The following OSBPL8 variants were observed in gnomAD, a reference collection of about 807,000 sequenced individuals.
OSBPL8 encodes oxysterol-binding protein-related protein 8.
A neutral mutation model predicts 125.5 loss-of-function variants in OSBPL8; 59 were observed. That is an observed-to-expected ratio of 0.47 (90% CI 0.38 to 0.58). The LOEUF (loss-of-function observed/expected upper bound fraction) is 0.58, where lower values mean the gene tolerates loss of function less well. Among genes scored for constraint, OSBPL8 ranks in the 20% least tolerant of loss-of-function variants. The pLI is 0.00. For synonymous variants in OSBPL8, 330 were observed against 338.9 expected, an observed-to-expected ratio of 0.97 and a Z score of 0.29; for missense variants, 758 against 1,047.8, an observed-to-expected ratio of 0.72 and a Z score of 3.82.
intron 21 of OSBPL8, 48 bp downstream of exon 21, chr12:76,369,166 G>C (rs1017827912): frequency 1.9e-6 from 3 of 1,573,388 alleles, no homozygotes; most frequent in Non-Finnish European, 2.6e-6. Context: ...AGATACTAAA[G>C]ATTTAACAGA....
At chr12:76,511,922 C>G (rs1037312545) in intron 1 of OSBPL8, among the ~76,000 whole-genome samples, 1 of 152,138 alleles carries the variant, frequency 6.6e-6, no homozygotes, top group African/African-American at 2.4e-5. Context: ...GGTCCAGCTC[C>G]AATCTTCTGC....
intron 17 of OSBPL8, among the ~76,000 whole-genome samples, chr12:76,374,361 C>T (rs1238816328): frequency 6.6e-6 from 1 of 152,142 alleles, no homozygotes; most frequent in African/African-American, 2.4e-5. Context: ...CCTTGCCACT[C>T]TCCCAATGAG....
At position 76,378,515 on chromosome 12, in the gene OSBPL8, G is replaced by A. The variant is rs1302841526; in HGVS notation, c.1666C>T (p.Arg556Trp). 3 of 1,605,832 alleles carry A rather than the reference G, an allele frequency of 1.9e-6. No individual in the cohort carries two copies. The highest frequency in any genetic ancestry group is 2.6e-6 in the Non-Finnish European group (3 of 1,173,852). ...TCACCTCTATTCAAGAAAGTTAACC[G>A]TGCTTCTCCCTCTAATATTGCAGAT... ...SLSAILEGEARLTFLNRGEDY... is the reference protein window; with the variant it reads ...SLSAILEGEAWLTFLNRGEDY... The change falls in exon 16 of 24, where the codon CGG (arginine) becomes TGG (tryptophan). Residue 556 changes from arginine (R) to tryptophan (W), a missense_variant. Around this residue, in one of 3 missense-constraint regions of OSBPL8, gnomAD observed 572 missense variants for 762.0 expected, o/e 0.75. Transcript: ENST00000261183.
intron 16 of OSBPL8, 39 bp from the exon 17 acceptor site, chr12:76,375,409 T>C (rs746294896): frequency 2.2e-6 from 3 of 1,372,874 alleles, no homozygotes; most frequent in Non-Finnish European, 3.1e-6. Flanking sequence ...GAAAAGAGTA[T>C]AGTATAGTAT....
chr12:76,387,580 T>C (rs771221396), intron 12 of OSBPL8, among the ~76,000 whole-genome samples: 4 of 152,186 alleles, frequency 2.6e-5, no homozygotes, highest in Non-Finnish European at 5.9e-5. Context: ...TACTGAGAAG[T>C]TGATTTTGTT....
At chr12:76,436,538 T>A (rs1871472066) in intron 4 of OSBPL8, among the ~76,000 whole-genome samples, 1 of 151,560 alleles carries the variant, frequency 6.6e-6, no homozygotes, top group African/African-American at 2.4e-5. Flanking sequence ...AACAAACCTG[T>A]AACTACTCAC....
rs1299755010 is a variant in OSBPL8, at chr12:76,388,933, C to T, written c.1352+712G>A. 5.3e-5 allele frequency among the ~76,000 whole-genome samples: 8 copies of T among 151,956 alleles called. 1 individual carries two copies. The South Asian group carries it at 1.5e-3, about 28-fold the overall frequency. ...TTGATAAAGATTCTAAAAATTAGGT[C>T]GCAGGGCCAGATATCAGTGGCACAG... On this transcript the variant is annotated intron_variant, in intron 12 of 23. Transcript: ENST00000261183.
chr12:76,479,857 A>T (rs1039963231), intron 2 of OSBPL8, among the ~76,000 whole-genome samples: 10 of 152,260 alleles, frequency 6.6e-5, no homozygotes, highest in Middle Eastern at 3.4e-3. Flanking sequence ...AGTCCAACAC[A>T]ACAACCTACT....
At chr12:76,419,469 A>G (rs1025674455) in intron 4 of OSBPL8, among the ~76,000 whole-genome samples, 2 of 152,196 alleles carry the variant, frequency 1.3e-5, no homozygotes, top group African/African-American at 4.8e-5. Context: ...ACCTGCGAAT[A>G]AGCTATGGGG....
intron 2 of OSBPL8, among the ~76,000 whole-genome samples, chr12:76,466,071 T>C (rs1438263927): frequency 6.6e-6 from 1 of 152,046 alleles, no homozygotes; most frequent in African/African-American, 2.4e-5. Context: ...CTTTTAAAAG[T>C]AGGTTATAAA....
In OSBPL8 at chr12:76,438,603, G is replaced by A. The variant is rs376935630; in HGVS notation, c.217+12248C>T. Reference sequence around the variant, plus strand: ...TTGAGATGAAGTGTAAATAGTCCACGTCTTTTTCTCCTTCTAGATTCTAAC... The same window carrying A: ...TTGAGATGAAGTGTAAATAGTCCACATCTTTTTCTCCTTCTAGATTCTAAC... On this transcript the variant is annotated intron_variant, in intron 4 of 23. Coordinates refer to ENST00000261183, the MANE Select transcript of OSBPL8 (RefSeq NM_020841.5). Among the ~76,000 whole-genome samples, 61 of 152,224 alleles carry A rather than the reference G, an allele frequency of 4.0e-4. No homozygotes were observed. The East Asian group carries it at 5.0e-3, about 13-fold the overall frequency.
At chr12:76,465,559 C>CA (rs939883727) in intron 2 of OSBPL8, among the ~76,000 whole-genome samples, 1 of 151,062 alleles carries the variant, frequency 6.6e-6, no homozygotes, top group Non-Finnish European at 1.5e-5. Context: ...GACTCCGTCT[C>CA]AAAAAAATAA....
Position 76,487,609 on chromosome 12 carries a change from T to C in OSBPL8, c.-58A>G. 1 of 1,421,290 alleles carries C rather than the reference T, an allele frequency of 7.0e-7. No individual in the cohort carries two copies. Among genetic ancestry groups the C allele is most frequent in the Non-Finnish European group, 9.6e-7 (1 of 1,044,456 alleles). The allele number at this position is 1,421,290 out of a possible 1,614,324, so 88.0% of individuals were successfully genotyped here. On this transcript the variant is annotated 5_prime_UTR_variant, in exon 2 of 24. Coordinates refer to ENST00000261183, the MANE Select transcript of OSBPL8 (RefSeq NM_020841.5). ...CATTAATGTGCAGCCATTCTGTAAA[T>C]CTGCAAATCCTAAAATAAGAAAATG...
At chr12:76,536,548 A>G (rs868235937) in intron 1 of OSBPL8, among the ~76,000 whole-genome samples, 4 of 152,192 alleles carry the variant, frequency 2.6e-5, no homozygotes, top group Non-Finnish European at 5.9e-5. Context: ...ATATTAGTTG[A>G]ATTTGTATCT....
chr12:76,505,756 T>C (rs1461229403), intron 1 of OSBPL8, among the ~76,000 whole-genome samples: 1 of 151,926 alleles, frequency 6.6e-6, no homozygotes, highest in African/African-American at 2.4e-5. Flanking sequence ...ATCTAAAGAA[T>C]AGCAAAGAGA....
chr12:76,514,604 T>C (rs1023096944), intron 1 of OSBPL8, among the ~76,000 whole-genome samples: 10 of 152,220 alleles, frequency 6.6e-5, no homozygotes, highest in Non-Finnish European at 1.5e-5. Flanking sequence ...CATTTCAATC[T>C]TGGAAAATCT....
intron 9 of OSBPL8, among the ~76,000 whole-genome samples, chr12:76,393,810 G>T (rs7959722): frequency 0.61 from 91,747 of 150,948 alleles, 28,437 homozygotes; most frequent in East Asian, 0.9. Context: ...AATCATGAGG[G>T]CAAGAGTGTG....
chr12:76,361,583 T>C (rs1952208517), intron 21 of OSBPL8, among the ~76,000 whole-genome samples: 1 of 152,262 alleles, frequency 6.6e-6, no homozygotes, highest in East Asian at 1.9e-4. Flanking sequence ...ACGCTGCTGA[T>C]AAAGACATAC....
intron 14 of OSBPL8, among the ~76,000 whole-genome samples, chr12:76,385,393 G>GA (rs1953267526): frequency 6.6e-6 from 1 of 152,050 alleles, no homozygotes; most frequent in South Asian, 2.1e-4. Flanking sequence ...TCAAATTAAT[G>GA]AAAGTTTAAA....
Sources: allele counts gnomAD v4.1 joint callset (sites outside exome capture counted in the v4.1 genomes callset), GRCh38; gene constraint gnomAD v4.1.1; regional missense constraint gnomAD v4.1.1; transcripts MANE v1.5; gene names NCBI Gene and HGNC (gene_info 2026-07-23, HGNC 2026-07-21).